The following ARHGAP8 variants were observed in gnomAD, a reference collection of about 807,000 sequenced individuals.
The protein encoded by ARHGAP8 is rho GTPase-activating protein 8.
ARHGAP8 carries 62 observed loss-of-function variants against 46.1 expected under a neutral mutation model. The observed-to-expected ratio is 1.34, with a 90% confidence interval of 1.10 to 1.66. The LOEUF is 1.66. Ranked by LOEUF, ARHGAP8 falls within the 40% of genes most tolerant of loss-of-function variation. The pLI, the probability that ARHGAP8 is intolerant of heterozygous loss-of-function variation, is 0.00. For synonymous variants in ARHGAP8, 375 were observed against 243.1 expected (o/e 1.54, Z -5.05); for missense variants, 923 against 568.4 (o/e 1.62, Z -6.34).
chr22:44,772,378 C>CTTAAAAAAACAT (rs1926103695), intron 1 of ARHGAP8, among the ~76,000 whole-genome samples: 1 of 124,064 alleles, frequency 8.1e-6, no homozygotes, highest in Non-Finnish European at 1.6e-5. Context: ...TAAGTAGAGA[C>CTTAAAAAAACAT]AGGGTTTCGC....
intron 2 of ARHGAP8, among the ~76,000 whole-genome samples, chr22:44,796,709 G>A (rs181972496): frequency 6.6e-6 from 1 of 152,306 alleles, no homozygotes; most frequent in Admixed American, 6.5e-5. Flanking sequence ...AGTCCAGGAC[G>A]CTCCCAGACC....
intron 1 of ARHGAP8, among the ~76,000 whole-genome samples, chr22:44,782,562 C>T (rs545297236): frequency 6.6e-6 from 1 of 152,072 alleles, no homozygotes; most frequent in Admixed American, 6.5e-5. Flanking sequence ...TTTGCCTATT[C>T]GGGACGCTTC....
intron 4 of ARHGAP8, among the ~76,000 whole-genome samples, chr22:44,813,729 TTACACC>T (rs1485935114): frequency 7.9e-6 from 1 of 127,380 alleles, no homozygotes; most frequent in African/African-American, 2.9e-5. Flanking sequence ...TTTCATACAC[TTACACC>T]TACACACACC....
chr22:44,850,061 G>A (rs1371884314), intron 10 of ARHGAP8: 1 of 152,192 alleles, frequency 6.6e-6, no homozygotes, highest in Non-Finnish European at 1.5e-5. Context: ...TTTGAGTGAT[G>A]TGAGACCAGC....
chr22:44,849,112 C>G, intron 10 of ARHGAP8, 52 bp downstream of exon 10: 1 of 1,607,458 alleles, frequency 6.2e-7, no homozygotes, highest in Non-Finnish European at 8.5e-7. Context: ...CAGATGCTGT[C>G]CCCCAGCTAC....
chr22:44,861,627 T>A (rs991086102), intron 11 of ARHGAP8, among the ~76,000 whole-genome samples: 2 of 152,140 alleles, frequency 1.3e-5, no homozygotes, highest in Non-Finnish European at 2.9e-5. Flanking sequence ...CCAGCTTGAA[T>A]CTTGTAGGGA....
At chr22:44,799,825 G>T (rs373307483) in intron 2 of ARHGAP8, among the ~76,000 whole-genome samples, 1 of 133,950 alleles carries the variant, frequency 7.5e-6, no homozygotes, top group African/African-American at 2.6e-5. Flanking sequence ...CAGGGGGTGG[G>T]GGGTGGGTGG....
At chr22:44,775,881 G>A (rs955336201) in intron 1 of ARHGAP8, among the ~76,000 whole-genome samples, 3 of 152,122 alleles carry the variant, frequency 2.0e-5, no homozygotes, top group African/African-American at 7.2e-5. Context: ...CCTGGTAATA[G>A]AAGGACTCCT....
chr22:44,804,916 C>A (rs889099689), intron 3 of ARHGAP8, among the ~76,000 whole-genome samples: 1 of 152,184 alleles, frequency 6.6e-6, no homozygotes, highest in African/African-American at 2.4e-5. Flanking sequence ...TGCACCAGTG[C>A]TGCTGCTGCA....
rs116130584 is a variant in ARHGAP8 at position 44,819,872 on chromosome 22, A to C, written c.387-2499A>C. 6.0e-3 allele frequency among the ~76,000 whole-genome samples: 917 copies of C among 152,278 alleles called. 13 individuals carry two copies. The highest frequency in any genetic ancestry group is 0.021 in the African/African-American group (870 of 41,556). On this transcript the variant is annotated intron_variant, in intron 5 of 11. Transcript: ENST00000356099. The stretch of plus-strand genomic sequence containing the variant: ...TGAGAGGGGGCGTGGGCTGGGATCC[A>C]ACCTGAGCCTGTGTGGTTCTACCCC...
At chr22:44,778,032 T>C (rs1926552362) in intron 1 of ARHGAP8, among the ~76,000 whole-genome samples, 1 of 150,156 alleles carries the variant, frequency 6.7e-6, no homozygotes, top group Non-Finnish European at 1.5e-5. Context: ...ATTTATTTAT[T>C]TATTTATTTA....
intron 7 of ARHGAP8, among the ~76,000 whole-genome samples, chr22:44,841,010 G>C (rs989886886): frequency 2.0e-5 from 3 of 152,200 alleles, no homozygotes; most frequent in Admixed American, 2.0e-4. Context: ...CCAAAACTTG[G>C]CTCTGCAGGC....
At chr22:44,825,674 TC>T in intron 7 of ARHGAP8, 81 bp downstream of exon 7, 5 of 1,463,394 alleles carry the variant, frequency 3.4e-6, no homozygotes, top group Non-Finnish European at 2.8e-6. Context: ...AGAAATATTT[TC>T]CCCAGACGTT....
chr22:44,756,499 A>G (rs1278954465), intron 1 of ARHGAP8, among the ~76,000 whole-genome samples: 1 of 152,062 alleles, frequency 6.6e-6, no homozygotes, highest in African/African-American at 2.4e-5. Flanking sequence ...AGACACTCAA[A>G]TGATGTACAA....
intron 1 of ARHGAP8, among the ~76,000 whole-genome samples, chr22:44,760,943 G>T (rs565578818): frequency 1.6e-4 from 25 of 152,304 alleles, no homozygotes; most frequent in African/African-American, 5.1e-4. Flanking sequence ...TGAGGCATGT[G>T]CGGACTCACA....
Position 44,859,794 on chromosome 22 carries a change from A to G in ARHGAP8, c.941A>G (p.Asn314Ser), listed in dbSNP as rs1167011211. 6.2e-7 allele frequency: 1 copy of G among 1,614,076 alleles called. No homozygotes were observed. The highest frequency in any genetic ancestry group is 8.5e-7 in the Non-Finnish European group (1 of 1,180,010). ...ATCTTACGGAGCCTCCCAGAGCACA[A>G]CTACGTCGTCCTCCGCTACCTCATG... is the stretch of plus-strand genomic sequence containing the variant. Reference protein sequence around the residue: ...RQILRSLPEHNYVVLRYLMGF... With the variant: ...RQILRSLPEHSYVVLRYLMGF... The change falls in exon 11 of 12, where the codon AAC becomes AGC. Residue 314 changes from asparagine to serine, a missense_variant. By Grantham distance (46) the Asn-to-Ser change is conservative. Transcript: ENST00000356099.
chr22:44,768,197 A>C (rs1280097161), intron 1 of ARHGAP8, among the ~76,000 whole-genome samples: 7 of 151,658 alleles, frequency 4.6e-5, no homozygotes, highest in Non-Finnish European at 8.8e-5. Context: ...GGGTTTCACC[A>C]TGTTGGTCAG....
intron 2 of ARHGAP8, among the ~76,000 whole-genome samples, chr22:44,795,174 C>G (rs739178): frequency 0.19 from 28,648 of 152,010 alleles, 2,929 homozygotes; most frequent in East Asian, 0.44. Flanking sequence ...CATGCAAGAC[C>G]ATGGGCTCTG....
chr22:44,853,312 A>T (rs1402906424), intron 10 of ARHGAP8, among the ~76,000 whole-genome samples: 1 of 152,214 alleles, frequency 6.6e-6, no homozygotes, highest in East Asian at 1.9e-4. Flanking sequence ...TCCGTACATC[A>T]TCTGCTGTGA....
Sources: allele counts gnomAD v4.1 joint callset (sites outside exome capture counted in the v4.1 genomes callset), GRCh38; gene constraint gnomAD v4.1.1; transcripts MANE v1.5; gene names NCBI Gene and HGNC (gene_info 2026-07-23, HGNC 2026-07-21).